The following ERBB4 variants were observed in gnomAD, a reference collection of about 807,000 sequenced individuals.
ERBB4 encodes the protein receptor tyrosine-protein kinase erbB-4.
ERBB4 carries 42 observed loss-of-function variants against 158.0 expected under a neutral mutation model. The observed-to-expected ratio is 0.27, with a 90% confidence interval of 0.21 to 0.34. The LOEUF (loss-of-function observed/expected upper bound fraction) is 0.34, where lower values mean the gene tolerates loss of function less well. ERBB4 is among the 10% of genes least tolerant of loss of function. The probability of loss-of-function intolerance (pLI) is 1.00; values close to 1 mark genes in which losing one functional copy is unlikely to be tolerated. For missense variants in ERBB4, 1,333 were observed against 1,624.1 expected (o/e 0.82, Z 3.08); for synonymous variants, 583 against 558.7 (o/e 1.04, Z -0.61).
intron 20 of ERBB4, among the ~76,000 whole-genome samples, chr2:211,477,297 ATCTCTCTCTCTCTCTT>A (rs145801142): frequency 0.024 from 3,686 of 151,094 alleles, 140 homozygotes; most frequent in African/African-American, 0.085. Context: ...ATTCCTTAAA[ATCTCTCTCTCTCTCTT>A]TCTCTCTCTC....
intron 12 of ERBB4, among the ~76,000 whole-genome samples, chr2:211,679,972 G>A (rs1428771782): frequency 6.6e-5 from 10 of 152,086 alleles, no homozygotes; most frequent in Admixed American, 2.0e-4. Context: ...GAGGCACTGC[G>A]CCAACCAAAA....
chr2:211,832,918 A>G (rs976590145), intron 3 of ERBB4, among the ~76,000 whole-genome samples: 3 of 151,000 alleles, frequency 2.0e-5, no homozygotes, highest in Non-Finnish European at 4.4e-5. Flanking sequence ...TGATATGTTG[A>G]CATATAAATT....
At chr2:211,650,976 G>C (rs573365196) in intron 16 of ERBB4, among the ~76,000 whole-genome samples, 1 of 152,284 alleles carries the variant, frequency 6.6e-6, no homozygotes, top group Admixed American at 6.5e-5. Context: ...ATTGGACAGT[G>C]CAGGTCTAGA....
chr2:211,725,065 C>A lies in ERBB4; in HGVS notation c.741+11G>T, dbSNP rs899094990. The A allele has an allele frequency of 2.6e-6, 4 of 1,545,592 alleles. No individual in the cohort carries two copies. In the African/African-American group the frequency reaches 5.4e-5, roughly 21 times the overall value. On this transcript the variant is annotated intron_variant, in intron 6 of 27. Transcript: ENST00000342788. ...GAGCAGGATAATAAAAGAGAGAAAT[C>A]ACAGACATACAAAGCAGTCTGTGTC...
At chr2:212,044,406 C>A (rs1385351256) in intron 2 of ERBB4, among the ~76,000 whole-genome samples, 1 of 152,056 alleles carries the variant, frequency 6.6e-6, no homozygotes, top group Non-Finnish European at 1.5e-5. Flanking sequence ...ATTTCTGCCG[C>A]CTTTTGGTTG....
chr2:212,109,471 C>T (rs2079337408), intron 2 of ERBB4, among the ~76,000 whole-genome samples: 1 of 152,202 alleles, frequency 6.6e-6, no homozygotes. Flanking sequence ...AAGGTCAACA[C>T]ACCCACTTCT....
intron 1 of ERBB4, among the ~76,000 whole-genome samples, chr2:212,396,907 G>T (rs1211063263): frequency 6.6e-6 from 1 of 151,986 alleles, no homozygotes; most frequent in Non-Finnish European, 1.5e-5. Flanking sequence ...ATAAGAATGT[G>T]TCTGTACATA....
intron 1 of ERBB4, among the ~76,000 whole-genome samples, chr2:212,443,732 G>A (rs2092298692): frequency 1.3e-5 from 2 of 152,304 alleles, no homozygotes; most frequent in South Asian, 4.1e-4. Context: ...GTGGCAAATA[G>A]GGATGCTGTA....
intron 25 of ERBB4, among the ~76,000 whole-genome samples, chr2:211,394,882 T>C (rs898139528): frequency 2.0e-5 from 3 of 152,108 alleles, no homozygotes; most frequent in Non-Finnish European, 4.4e-5. Context: ...ATTGTATTCT[T>C]GAATAGGTCT....
intron 2 of ERBB4, among the ~76,000 whole-genome samples, chr2:211,996,908 A>C (rs577002864): frequency 6.6e-6 from 1 of 152,308 alleles, no homozygotes; most frequent in Admixed American, 6.5e-5. Context: ...GCCAGAAAAG[A>C]CCAAAAGAGA....
At chr2:212,402,262 G>A (rs965566842) in intron 1 of ERBB4, among the ~76,000 whole-genome samples, 19 of 152,162 alleles carry the variant, frequency 1.2e-4, no homozygotes, top group African/African-American at 4.6e-4. Flanking sequence ...CAATCTCAAA[G>A]ATTCCATACT....
At chr2:212,086,447 G>GA (rs1381433541) in intron 2 of ERBB4, among the ~76,000 whole-genome samples, 2 of 150,498 alleles carry the variant, frequency 1.3e-5, no homozygotes, top group African/African-American at 4.9e-5. Flanking sequence ...CCGCCTCTAA[G>GA]AAAAAAAGAA....
intron 1 of ERBB4, among the ~76,000 whole-genome samples, chr2:212,477,271 T>C (rs866054058): frequency 6.6e-6 from 1 of 152,172 alleles, no homozygotes; most frequent in Non-Finnish European, 1.5e-5. Flanking sequence ...GCAGTTTTAC[T>C]GGTTCTCATT....
chr2:212,295,739 A>G (rs987373195), intron 1 of ERBB4, among the ~76,000 whole-genome samples: 4 of 152,096 alleles, frequency 2.6e-5, no homozygotes, highest in Non-Finnish European at 5.9e-5. Context: ...TAACAAGTAC[A>G]TAGTAGCTGC....
At chr2:212,162,905 G>A (rs2081243544) in intron 1 of ERBB4, among the ~76,000 whole-genome samples, 1 of 151,906 alleles carries the variant, frequency 6.6e-6, no homozygotes, top group Non-Finnish European at 1.5e-5. Flanking sequence ...TATAGTAACA[G>A]CAAAGCAGCT....
chr2:212,186,206 T>C (rs746381411), intron 1 of ERBB4, among the ~76,000 whole-genome samples: 1 of 152,188 alleles, frequency 6.6e-6, no homozygotes, highest in Non-Finnish European at 1.5e-5. Context: ...TTTCCACTTC[T>C]GGCAAACTTC....
At chr2:212,099,739 T>TG (rs2079030589) in intron 2 of ERBB4, among the ~76,000 whole-genome samples, 1 of 126,828 alleles carries the variant, frequency 7.9e-6, no homozygotes, top group African/African-American at 2.8e-5. Context: ...TTTTACAGTT[T>TG]TTTTTTTTTT....
Position 211,381,322 on chromosome 2 carries a change from A to G in ERBB4, c.*2293T>C, listed in dbSNP as rs371721228. On this transcript the variant is annotated 3_prime_UTR_variant, in exon 28 of 28. Transcript: ENST00000342788. Reference sequence around the variant, plus strand: ...TGGTTTAATGGTGAAGTTAGACTCTAGATAGGCTAATTAGTCAGTGATGCA... The same window carrying G: ...TGGTTTAATGGTGAAGTTAGACTCTGGATAGGCTAATTAGTCAGTGATGCA... 2.0e-4 allele frequency: 46 copies of G among 232,402 alleles called. 1 individual carries two copies. Among genetic ancestry groups the G allele is most frequent in the African/African-American group, 1.0e-3 (46 of 45,434 alleles). The allele number at this position is 232,402 out of a possible 1,614,324, so 14.4% of individuals were successfully genotyped here.
At chr2:211,899,653 G>T (rs1351557529) in intron 3 of ERBB4, among the ~76,000 whole-genome samples, 1 of 152,036 alleles carries the variant, frequency 6.6e-6, no homozygotes, top group East Asian at 1.9e-4. Flanking sequence ...TGATTTACAG[G>T]TTATAGAATA....
Sources: gnomAD v4.1 joint callset for allele counts (sites outside exome capture counted in the v4.1 genomes callset) on GRCh38, gnomAD v4.1.1 for gene constraint, MANE v1.5 for transcripts, NCBI Gene and HGNC (gene_info 2026-07-23, HGNC 2026-07-21) for gene names.